Variants in CAPN8 observed in about 807,000 individuals in gnomAD.
CAPN8 encodes the protein calpain-8.
CAPN8 carries 87 observed loss-of-function variants against 80.9 expected under a neutral mutation model. The ratio of observed to expected loss-of-function variants is 1.07; its 90% confidence interval spans 0.90 to 1.28. CAPN8 has a LOEUF of 1.28. Ranked by LOEUF, CAPN8 falls within the 50% of genes most tolerant of loss-of-function variation. The pLI is 0.00. For missense variants in CAPN8, 757 were observed against 702.0 expected, an observed-to-expected ratio of 1.08 and a Z score of -0.89; for synonymous variants, 299 against 273.8, an observed-to-expected ratio of 1.09 and a Z score of -0.91.
Position 223,622,890 on chromosome 1 carries a change from T to G in CAPN8, c.824A>C (p.Gln275Pro). ...TCTGATCAGCTTCTCTGGATGGCCC[T>G]GGAAATTCACCTGCAAATTCCATAC... The part of the protein sequence containing the change: ...SVTGVEEVNF[Q>P]GHPEKLIRLR... The change falls in exon 7 of 21, where the codon CAG becomes CCG. Residue 275 changes from glutamine to proline, a missense_variant. Transcript: ENST00000366872. The G allele has an allele frequency of 6.4e-7, 1 of 1,551,626 alleles. No homozygotes were observed. The highest frequency in any genetic ancestry group is 8.7e-7 in the Non-Finnish European group (1 of 1,146,890).
chr1:223,646,204 G>C (rs893738457), intron 2 of CAPN8, among the ~76,000 whole-genome samples: 1 of 152,212 alleles, frequency 6.6e-6, no homozygotes, highest in Admixed American at 6.5e-5. Context: ...TTGTTAGATG[G>C]GACTTGTTTC....
chr1:223,544,302 C>G (rs764228125), intron 18 of CAPN8, 119 bp from the exon 19 acceptor site: 2 of 637,632 alleles, frequency 3.1e-6, no homozygotes, highest in Non-Finnish European at 5.7e-6. Context: ...AATCTGCAAA[C>G]CAGGCCTGAC....
At chr1:223,652,980 A>C (rs541819357) in intron 2 of CAPN8, among the ~76,000 whole-genome samples, 5 of 151,988 alleles carry the variant, frequency 3.3e-5, no homozygotes, top group Non-Finnish European at 5.9e-5. Context: ...AAATCCATCC[A>C]AGCCCGTCAA....
At chr1:223,652,122 C>G (rs191225939) in intron 2 of CAPN8, among the ~76,000 whole-genome samples, 120 of 152,070 alleles carry the variant, frequency 7.9e-4, no homozygotes, top group Non-Finnish European at 5.9e-4. Flanking sequence ...TTATACAAAT[C>G]AACTGTTTTA....
At chr1:223,639,191 G>C (rs200109883) in intron 2 of CAPN8, among the ~76,000 whole-genome samples, 1 of 152,170 alleles carries the variant, frequency 6.6e-6, no homozygotes, top group East Asian at 1.9e-4. Context: ...AGTGAGCCGA[G>C]ATAGTGCCCC....
At chr1:223,647,234 A>G (rs1268337515) in intron 2 of CAPN8, among the ~76,000 whole-genome samples, 2 of 152,184 alleles carry the variant, frequency 1.3e-5, no homozygotes, top group African/African-American at 4.8e-5. Flanking sequence ...GTGCATTGTG[A>G]TAGAAAAGTA....
At chr1:223,625,665 T>A (rs542061243) in intron 6 of CAPN8, 140 bp downstream of exon 6, 3 of 652,280 alleles carry the variant, frequency 4.6e-6, no homozygotes, top group Non-Finnish European at 5.6e-6. Context: ...ACAGGCAGAG[T>A]GCATCCCAAT....
intron 7 of CAPN8, among the ~76,000 whole-genome samples, chr1:223,621,987 G>T (rs967210696): frequency 4.6e-5 from 7 of 152,104 alleles, no homozygotes; most frequent in Middle Eastern, 3.4e-3. Context: ...TGTACTTTTA[G>T]TAGAGACGGG....
At chr1:223,615,756 A>G (rs1416275140) in intron 10 of CAPN8, 4 of 682,804 alleles carry the variant, frequency 5.9e-6, no homozygotes, top group Non-Finnish European at 1.1e-5. Context: ...ACACATCTCA[A>G]TGTTAACAGC....
intron 2 of CAPN8, among the ~76,000 whole-genome samples, chr1:223,645,680 C>T (rs972134745): frequency 2.0e-5 from 3 of 152,154 alleles, no homozygotes; most frequent in African/African-American, 7.2e-5. Context: ...CTCTCTCCCA[C>T]TATAGGGCAC....
chr1:223,546,458 TA>T (rs1018336157), intron 16 of CAPN8, among the ~76,000 whole-genome samples: 8 of 152,220 alleles, frequency 5.3e-5, no homozygotes, highest in Non-Finnish European at 8.8e-5. Context: ...AAAAGTCCTG[TA>T]AGCCTCATAC....
intron 2 of CAPN8, among the ~76,000 whole-genome samples, chr1:223,649,118 G>A (rs1394253101): frequency 1.3e-5 from 2 of 152,230 alleles, no homozygotes; most frequent in Non-Finnish European, 2.9e-5. Context: ...ATTCCTGAAA[G>A]CAGCAAGCAT....
At chr1:223,654,851 T>TTC (rs1310530662) in intron 1 of CAPN8, among the ~76,000 whole-genome samples, 1 of 148,304 alleles carries the variant, frequency 6.7e-6, no homozygotes, top group Non-Finnish European at 1.5e-5. Flanking sequence ...AATTTTTTTT[T>TTC]TTTTTTTTTT....
chr1:223,642,207 G>A (rs1392917306), intron 2 of CAPN8, among the ~76,000 whole-genome samples: 1 of 152,214 alleles, frequency 6.6e-6, no homozygotes, highest in Non-Finnish European at 1.5e-5. Context: ...AAGAAAGAAA[G>A]TCACTAAGAG....
chr1:223,629,635 G>A (rs545179436), intron 2 of CAPN8, among the ~76,000 whole-genome samples: 40 of 152,318 alleles, frequency 2.6e-4, no homozygotes, highest in South Asian at 2.1e-4. Context: ...ATCCTATGGC[G>A]AATCTATCAT....
At chr1:223,630,283 T>C (rs1424473458) in intron 2 of CAPN8, among the ~76,000 whole-genome samples, 1 of 142,850 alleles carries the variant, frequency 7.0e-6, no homozygotes, top group Non-Finnish European at 1.5e-5. Flanking sequence ...TGTCTCTCTC[T>C]CTCTCCCGCT....
chr1:223,659,688 T>C (rs1315872762), intron 1 of CAPN8, among the ~76,000 whole-genome samples: 1 of 152,248 alleles, frequency 6.6e-6, no homozygotes, highest in Non-Finnish European at 1.5e-5. Context: ...TTTCACTCTC[T>C]GGATATTCTG....
intron 13 of CAPN8, among the ~76,000 whole-genome samples, chr1:223,557,576 G>A (rs1022305285): frequency 6.6e-6 from 1 of 152,212 alleles, no homozygotes; most frequent in Admixed American, 6.5e-5. Flanking sequence ...AATAAAGGGA[G>A]TGAGGTGGTG....
At chr1:223,623,447 A>C (rs1194224796) in intron 6 of CAPN8, among the ~76,000 whole-genome samples, 2 of 152,198 alleles carry the variant, frequency 1.3e-5, no homozygotes, top group African/African-American at 2.4e-5. Flanking sequence ...TGGTGAACGC[A>C]GGCCAGGAAC....
Sources: allele counts gnomAD v4.1 joint callset (sites outside exome capture counted in the v4.1 genomes callset), GRCh38; gene constraint gnomAD v4.1.1; transcripts MANE v1.5; gene names NCBI Gene and HGNC (gene_info 2026-07-23, HGNC 2026-07-21).